Variants in KDSR observed in about 807,000 individuals in gnomAD.
KDSR encodes 3-dehydrosphinganine reductase.
In KDSR, 23 loss-of-function variants were observed where a neutral mutation model predicts 41.3. The ratio of observed to expected loss-of-function variants is 0.56; its 90% CI spans 0.40 to 0.79. The LOEUF (loss-of-function observed/expected upper bound fraction) is 0.79, where lower values mean the gene tolerates loss of function less well. Ranked by LOEUF, KDSR falls within the 30% of genes least tolerant of loss-of-function variation. The pLI is 0.00. For missense variants in KDSR, 351 were observed against 416.8 expected (o/e 0.84, Z 1.37); for synonymous variants, 138 against 151.7 (o/e 0.91, Z 0.66).
rs1024128834 is a variant in KDSR at position 63,327,751 on chromosome 18, C to G, written c.*4031G>C. On this transcript the variant is annotated 3_prime_UTR_variant, in exon 10 of 10. Transcript: ENST00000645214. ...TTTGCAAATCTGTAAGTCTTGTTCCCCATTTATTTTTTTGTTGTGATTCAG... is the reference window on the plus strand; with the variant it reads ...TTTGCAAATCTGTAAGTCTTGTTCCGCATTTATTTTTTTGTTGTGATTCAG... 3 of 182,352 alleles carry G rather than the reference C, an allele frequency of 1.6e-5. No homozygotes were observed. The highest frequency in any genetic ancestry group is 7.1e-5 in the African/African-American group (3 of 42,478). 11.3% of individuals were successfully genotyped at this position (182,352 alleles called of 1,614,324 possible).
intron 7 of KDSR, among the ~76,000 whole-genome samples, chr18:63,339,798 A>G (rs1914291800): frequency 1.3e-5 from 2 of 152,346 alleles, no homozygotes; most frequent in East Asian, 1.9e-4. Context: ...GTTAGTTTCA[A>G]TTAGAAGTGT....
chr18:63,329,723 A>T lies in KDSR; in HGVS notation c.*2059T>A, dbSNP rs1307074965. On this transcript the variant is annotated 3_prime_UTR_variant, in exon 10 of 10. Coordinates refer to ENST00000645214, the MANE Select transcript of KDSR (RefSeq NM_002035.4). ...GGATAATTTGAAAAAATATATTGAAATAACTATTTAATGTTATTAAATCAG... is the reference window on the plus strand; with the variant it reads ...GGATAATTTGAAAAAATATATTGAATTAACTATTTAATGTTATTAAATCAG... 1.5e-5 allele frequency: 3 copies of T among 193,566 alleles called. No individual in the cohort carries two copies. The highest frequency in any genetic ancestry group is 2.2e-5 in the Non-Finnish European group (2 of 92,790). The allele number at this position is 193,566 out of a possible 1,614,324, so 12.0% of individuals were successfully genotyped here.
intron 3 of KDSR, among the ~76,000 whole-genome samples, chr18:63,357,360 G>A (rs1279702299): frequency 1.3e-5 from 2 of 151,264 alleles, no homozygotes; most frequent in Non-Finnish European, 2.9e-5. Context: ...TTTTCTAATA[G>A]TAAAAAACAA....
At position 63,362,791 on chromosome 18, in the gene KDSR, A is replaced by C; in HGVS notation, c.186T>G (p.Val62=). The C allele has an allele frequency of 6.2e-7, 1 of 1,611,946 alleles. No individual in the cohort carries two copies. The highest frequency in any genetic ancestry group is 8.5e-7 in the Non-Finnish European group (1 of 1,178,230). The change falls in exon 2 of 10, where the codon GTT becomes GTG. Residue 62 remains valine (V), a synonymous_variant. Coordinates refer to ENST00000645214, the MANE Select transcript of KDSR (RefSeq NM_002035.4). ...CYKQGAFITL[V]ARNEDKLLQA... is the part of the protein sequence containing the mutation. ...CTAGAAGCCTTACCTCATTTCGTGC[A>C]ACCAGAGTTATAAAAGCTCCTTGTT...
In KDSR at chr18:63,367,082, C is replaced by G. The variant is rs753287192; in HGVS notation, c.37G>C (p.Val13Leu). ...GGAGACACCATGTACAGCAGCAGCA[C>G]GAAGGCCACGAGGAAGGCGGCAGCC... The part of the protein sequence containing the change: ...LLAAAFLVAF[V>L]LLLYMVSPLI... The change falls in exon 1 of 10, where the codon GTG becomes CTG. Residue 13 changes from valine to leucine, a missense_variant. By Grantham distance (32) the Val-to-Leu change is conservative. Transcript: ENST00000645214. 5.2e-6 allele frequency: 7 copies of G among 1,335,906 alleles called. No homozygotes were observed. The highest frequency in any genetic ancestry group is 6.7e-6 in the Non-Finnish European group (7 of 1,038,418). 82.8% of individuals were successfully genotyped at this position (1,335,906 alleles called of 1,614,324 possible).
chr18:63,348,323 T>TA (rs11335269), intron 6 of KDSR, among the ~76,000 whole-genome samples: 1,805 of 138,208 alleles, frequency 0.013, 23 homozygotes, highest in Admixed American at 0.023. Flanking sequence ...AAATAAAAAT[T>TA]AAAAAAAAAA....
rs1052806228 is a variant in KDSR, at chr18:63,330,427, C to T, written c.*1355G>A. On this transcript the variant is annotated 3_prime_UTR_variant, in exon 10 of 10. Transcript: ENST00000645214. ...ACGGGGAATGTTGGCTAAAACTCATCAGAGGCACTTGCTGTCAAAATCCAC... is the reference window on the plus strand; with the variant it reads ...ACGGGGAATGTTGGCTAAAACTCATTAGAGGCACTTGCTGTCAAAATCCAC... 1.3e-5 allele frequency: 3 copies of T among 229,692 alleles called. No homozygotes were observed. The highest frequency in any genetic ancestry group is 1.2e-4 in the East Asian group (2 of 16,120). The allele number at this position is 229,692 out of a possible 1,614,324, so 14.2% of individuals were successfully genotyped here. A position where few individuals can be genotyped will look rare whatever the true frequency, so the allele number is the denominator to read the frequency against.
chr18:63,365,217 G>T (rs1332979754), intron 1 of KDSR, among the ~76,000 whole-genome samples: 1 of 152,186 alleles, frequency 6.6e-6, no homozygotes, highest in Non-Finnish European at 1.5e-5. Flanking sequence ...GTGATTTTCT[G>T]CTTTTTTCCT....
chr18:63,329,537 C>A lies in KDSR; in HGVS notation c.*2245G>T, dbSNP rs985157664. ...TTTAACATCTCTGACAAGGAAATTTCTTCTCTGACATGATGGTCTCTGCAA... is the reference window on the plus strand; with the variant it reads ...TTTAACATCTCTGACAAGGAAATTTATTCTCTGACATGATGGTCTCTGCAA... On this transcript the variant is annotated 3_prime_UTR_variant, in exon 10 of 10. Coordinates refer to ENST00000645214, the MANE Select transcript of KDSR (RefSeq NM_002035.4). The A allele has an allele frequency of 4.5e-5, 9 of 201,638 alleles. No individual in the cohort carries two copies. The highest frequency in any genetic ancestry group is 3.0e-4 in the Admixed American group (5 of 16,678). 12.5% of individuals were successfully genotyped at this position (201,638 alleles called of 1,614,324 possible). A position where few individuals can be genotyped will look rare whatever the true frequency, so the allele number is the denominator to read the frequency against.
chr18:63,343,604 G>A (rs901394711), intron 7 of KDSR, among the ~76,000 whole-genome samples: 1 of 151,792 alleles, frequency 6.6e-6, no homozygotes, highest in Admixed American at 6.6e-5. Context: ...GCCCAGGCTG[G>A]TCTTGAACTC....
rs1166958350 is a variant in KDSR at position 63,357,577 on chromosome 18, T to C, written c.256-2014A>G. ...ATACATACATACATACATACATATA[T>C]ATATATATATATATATATTTTTTTT... is the stretch of plus-strand genomic sequence containing the variant. On this transcript the variant is annotated intron_variant, in intron 3 of 9. Coordinates refer to ENST00000645214, the MANE Select transcript of KDSR (RefSeq NM_002035.4). Among the ~76,000 whole-genome samples the C allele has an allele frequency of 1.4e-3, 81 of 59,370 alleles. 1 individual carries two copies. Among genetic ancestry groups the C allele is most frequent in the African/African-American group, 4.5e-3 (76 of 17,028 alleles). 38.9% of individuals were successfully genotyped at this position (59,370 alleles called of 152,430 possible).
chr18:63,336,190 C>T (rs12604841), intron 8 of KDSR, among the ~76,000 whole-genome samples: 13,732 of 152,164 alleles, frequency 0.09, 757 homozygotes, highest in East Asian at 0.27. Context: ...CCACCACACC[C>T]GGGTAATTTT....
chr18:63,344,013 CA>C (rs1348928001), intron 7 of KDSR, among the ~76,000 whole-genome samples: 8 of 151,954 alleles, frequency 5.3e-5, no homozygotes, highest in Admixed American at 3.9e-4. Flanking sequence ...TCCATCTCTA[CA>C]AAAAAATTAA....
chr18:63,347,495 C>CAAAAAAA (rs36023779), intron 6 of KDSR, among the ~76,000 whole-genome samples: 29 of 56,958 alleles, frequency 5.1e-4, no homozygotes, highest in African/African-American at 9.3e-4. Flanking sequence ...GACTCCATCT[C>CAAAAAAA]AAAAAAAAAA....
At chr18:63,364,294 G>C (rs560296067) in intron 1 of KDSR, among the ~76,000 whole-genome samples, 5 of 151,986 alleles carry the variant, frequency 3.3e-5, no homozygotes, top group South Asian at 2.1e-4. Flanking sequence ...GTGATTATCT[G>C]ATTCACAACC....
chr18:63,337,113 A>AATATATATATATATATATATATGTGAAT (rs1568275978), intron 8 of KDSR, among the ~76,000 whole-genome samples: 1,656 of 127,732 alleles, frequency 0.013, 57 homozygotes, highest in Non-Finnish European at 0.02. Context: ...TATATATGTG[A>AATATATATATATATATATATATGTGAAT]ATATATATAT....
intron 7 of KDSR, among the ~76,000 whole-genome samples, chr18:63,342,291 C>T (rs914591296): frequency 6.6e-6 from 1 of 151,934 alleles, no homozygotes; most frequent in Non-Finnish European, 1.5e-5. Context: ...TATAGCTCCA[C>T]CAAAATGAGC....
At chr18:63,359,084 T>G (rs1345712490) in intron 3 of KDSR, among the ~76,000 whole-genome samples, 2 of 127,360 alleles carry the variant, frequency 1.6e-5, no homozygotes, top group Non-Finnish European at 1.6e-5. Context: ...GAGGCTGAGG[T>G]GGGAGGACTG....
At chr18:63,339,219 G>A (rs923980246) in intron 7 of KDSR, among the ~76,000 whole-genome samples, 1 of 151,666 alleles carries the variant, frequency 6.6e-6, no homozygotes, top group African/African-American at 2.4e-5. Context: ...AGTGCTGGCC[G>A]GACACCTGAA....
Sources: allele counts gnomAD v4.1 joint callset (sites outside exome capture counted in the v4.1 genomes callset), GRCh38; gene constraint gnomAD v4.1.1; transcripts MANE v1.5; gene names NCBI Gene and HGNC (gene_info 2026-07-23, HGNC 2026-07-21).